KIAA1217: variants seen among roughly 807,000 people sequenced by gnomAD.
KIAA1217 encodes sickle tail protein homolog.
Under a neutral mutation model 163.9 loss-of-function variants are expected in KIAA1217, and 88 were observed. The observed-to-expected ratio is 0.54, with a 90% CI of 0.45 to 0.64. The LOEUF is 0.64. Ranked by LOEUF, KIAA1217 falls within the 30% of genes least tolerant of loss-of-function variation. The pLI, the probability that KIAA1217 is intolerant of heterozygous loss-of-function variation, is 0.00. For missense variants in KIAA1217, 2,372 were observed against 2,475.0 expected, an observed-to-expected ratio of 0.96 and a Z score of 0.88; for synonymous variants, 903 against 923.1, an observed-to-expected ratio of 0.98 and a Z score of 0.39.
At chr10:23,790,580 T>TGC (rs1564424426) in intron 1 of KIAA1217, among the ~76,000 whole-genome samples, 4 of 120,802 alleles carry the variant, frequency 3.3e-5, no homozygotes, top group African/African-American at 1.6e-4. Context: ...TATACATATG[T>TGC]ATATGTACAT....
chr10:24,338,412 C>A (rs1384244628), intron 2 of KIAA1217, among the ~76,000 whole-genome samples: 1 of 151,964 alleles, frequency 6.6e-6, no homozygotes, highest in Non-Finnish European at 1.5e-5. Flanking sequence ...TGCAAGTGGC[C>A]TGAAAAAAAA....
At chr10:24,502,072 C>T (rs1032964255) in intron 9 of KIAA1217, among the ~76,000 whole-genome samples, 6 of 151,858 alleles carry the variant, frequency 4.0e-5, no homozygotes, top group East Asian at 1.9e-4. Context: ...TTAAGCTGTG[C>T]GTACTTTTAC....
intron 3 of KIAA1217, among the ~76,000 whole-genome samples, chr10:24,430,979 TA>T (rs550278803): frequency 5.3e-4 from 81 of 152,312 alleles, no homozygotes; most frequent in African/African-American, 1.8e-3. Flanking sequence ...TTCAACTCAC[TA>T]TGCATTTCTA....
At chr10:24,010,517 C>T (rs1335368072) in intron 2 of KIAA1217, among the ~76,000 whole-genome samples, 3 of 150,274 alleles carry the variant, frequency 2.0e-5, no homozygotes, top group African/African-American at 4.9e-5. Flanking sequence ...TTGAAAACAT[C>T]ATCCAAAATA....
At chr10:23,761,739 G>T (rs548072924) in intron 1 of KIAA1217, among the ~76,000 whole-genome samples, 1 of 152,156 alleles carries the variant, frequency 6.6e-6, no homozygotes, top group Admixed American at 6.5e-5. Context: ...TTTTGATTTG[G>T]GGTACAGAGT....
chr10:23,976,433 T>G (rs1845544306), intron 1 of KIAA1217, among the ~76,000 whole-genome samples: 1 of 152,196 alleles, frequency 6.6e-6, no homozygotes, highest in African/African-American at 2.4e-5. Context: ...TAAAATATGA[T>G]AATTTGTACC....
At position 23,790,370 on chromosome 10, in the gene KIAA1217, T is replaced by TGC. The variant is rs1223175122; in HGVS notation, c.-321+95136_-321+95137insGC. ...ATATGCATATATGCATATATACATA[T>TGC]ACATATGTATATATACATATGTATA... On this transcript the variant is annotated intron_variant, in intron 1 of 18. Coordinates refer to the KIAA1217 transcript ENST00000376462. Among the ~76,000 whole-genome samples, 60 of 81,108 alleles carry TGC rather than the reference T, an allele frequency of 7.4e-4. 4 individuals are homozygous for TGC. The highest frequency in any genetic ancestry group is 1.1e-3 in the Non-Finnish European group (46 of 41,372). The allele number at this position is 81,108 out of a possible 152,430, so 53.2% of individuals were successfully genotyped here.
intron 12 of KIAA1217, 46 bp downstream of exon 12, chr10:24,521,975 A>C (rs752400822): frequency 6.3e-7 from 1 of 1,580,576 alleles, no homozygotes; most frequent in South Asian, 1.1e-5. Context: ...GGAGGGGTGC[A>C]CTGGGAAACC....
chr10:24,543,525 A>G lies in KIAA1217; in HGVS notation c.4255A>G (p.Arg1419Gly), dbSNP rs777487621. The G allele has an allele frequency of 1.2e-6, 2 of 1,614,178 alleles. No homozygotes were observed. Among genetic ancestry groups the G allele is most frequent in the Non-Finnish European group, 1.7e-6 (2 of 1,180,030 alleles). The change falls in exon 19 of 21, where the codon AGA (arginine) becomes GGA (glycine). Residue 1419 changes from arginine (R) to glycine (G), a missense_variant. Arg to Gly is a moderately radical substitution (Grantham distance 125, BLOSUM62 -2). Around this residue, in one of 3 missense-constraint regions of KIAA1217, gnomAD observed 690 missense variants for 677.5 expected, o/e 1.02. Transcript: ENST00000376454. Reference sequence around the variant, plus strand: ...CATACAGACGGTTAATATCGATGCCAGAAAAGAGATGACCCCCCGACAAGA... The same window carrying G: ...CATACAGACGGTTAATATCGATGCCGGAAAAGAGATGACCCCCCGACAAGA... The part of the protein sequence containing the change: ...EDIQTVNIDA[R>G]KEMTPRQEGT...
chr10:23,930,170 G>A (rs1044011825), intron 1 of KIAA1217, among the ~76,000 whole-genome samples: 8 of 151,192 alleles, frequency 5.3e-5, no homozygotes, highest in African/African-American at 1.2e-4. Context: ...TATCTTTCTC[G>A]GTCACTAGTT....
chr10:24,236,647 G>GT lies in KIAA1217; in HGVS notation c.354+16749dup, dbSNP rs954522444. 4.2e-3 allele frequency among the ~76,000 whole-genome samples: 597 copies of GT among 143,802 alleles called. 2 individuals are homozygous for GT. The highest frequency in any genetic ancestry group is 0.013 in the South Asian group (60 of 4,490). The allele number at this position is 143,802 out of a possible 152,430, so 94.3% of individuals were successfully genotyped here. On this transcript the variant is annotated intron_variant, in intron 2 of 20. Coordinates refer to ENST00000376454, the MANE Select transcript of KIAA1217 (RefSeq NM_019590.5). ...TCTTTGTGAGCTTTTTCAGTGAGGA[G>GT]TTTTTTTTTTTGTTTTTTTTTTGAG...
chr10:23,919,179 C>G (rs1842750416), intron 1 of KIAA1217, among the ~76,000 whole-genome samples: 1 of 152,100 alleles, frequency 6.6e-6, no homozygotes, highest in Admixed American at 6.5e-5. Context: ...CTGAGAGTCT[C>G]TAATAAGGAA....
chr10:23,783,358 A>T (rs986198571), intron 1 of KIAA1217, among the ~76,000 whole-genome samples: 6 of 152,192 alleles, frequency 3.9e-5, no homozygotes, highest in African/African-American at 1.4e-4. Context: ...AATGTCATAT[A>T]TTACATTGAT....
At chr10:23,858,383 CT>C (rs1199440582) in intron 1 of KIAA1217, among the ~76,000 whole-genome samples, 1 of 151,834 alleles carries the variant, frequency 6.6e-6, no homozygotes, top group East Asian at 1.9e-4. Context: ...AAACTTAGAA[CT>C]TTTTAAAATT....
chr10:23,862,432 G>T lies in KIAA1217; in HGVS notation c.-320-144793G>T, dbSNP rs561571324. 5.3e-5 allele frequency among the ~76,000 whole-genome samples: 8 copies of T among 152,212 alleles called. No individual in the cohort carries two copies. In the East Asian group the frequency reaches 1.5e-3, roughly 29 times the overall value. On this transcript the variant is annotated intron_variant, in intron 1 of 18. Coordinates refer to the KIAA1217 transcript ENST00000376462. ...ACAGAGATACTTGAGTATTTGAGAT[G>T]ATTCACAAATATCCATAACTCTTGT...
At chr10:23,856,927 A>T (rs1195232903) in intron 1 of KIAA1217, among the ~76,000 whole-genome samples, 1 of 152,144 alleles carries the variant, frequency 6.6e-6, no homozygotes, top group African/African-American at 2.4e-5. Flanking sequence ...CCTTTCTTTG[A>T]CTAGGAAAGG....
intron 2 of KIAA1217, among the ~76,000 whole-genome samples, chr10:24,113,777 G>A (rs776039591): frequency 9.2e-5 from 14 of 152,140 alleles, no homozygotes; most frequent in Non-Finnish European, 1.6e-4. Context: ...CATGCCTCCC[G>A]GCTTTTGGGA....
intron 2 of KIAA1217, among the ~76,000 whole-genome samples, chr10:24,259,622 G>C (rs1234055839): frequency 6.6e-6 from 1 of 152,154 alleles, no homozygotes; most frequent in Non-Finnish European, 1.5e-5. Flanking sequence ...GTCTAAAAAA[G>C]AAAGCAATAC....
rs1021036466 is a variant in KIAA1217 at position 24,381,185 on chromosome 10, A to G, written c.553+118A>G. 7 of 752,722 alleles carry G rather than the reference A, an allele frequency of 9.3e-6. No individual in the cohort carries two copies. The East Asian group carries it at 9.7e-5, about 10-fold the overall frequency. The allele number at this position is 752,722 out of a possible 1,614,324, so 46.6% of individuals were successfully genotyped here. On this transcript the variant is annotated intron_variant, in intron 3 of 20. Coordinates refer to ENST00000376454, the MANE Select transcript of KIAA1217 (RefSeq NM_019590.5). ...TTTGATCTTGATTTGCAAATACTCT[A>G]GTACTGGGAAACTTCATTGGTTTAA...
Sources: gnomAD v4.1 joint callset for allele counts (sites outside exome capture counted in the v4.1 genomes callset) on GRCh38, gnomAD v4.1.1 for gene constraint, gnomAD v4.1.1 regional missense constraint, MANE v1.5 for transcripts, NCBI Gene and HGNC (gene_info 2026-07-23, HGNC 2026-07-21) for gene names.